NCAM2: variants seen among roughly 807,000 people sequenced by gnomAD.
NCAM2 encodes the protein neural cell adhesion molecule 2.
NCAM2 carries 30 observed loss-of-function variants against 98.1 expected under a neutral mutation model. The observed-to-expected ratio is 0.31, with a 90% CI of 0.23 to 0.41. The LOEUF (loss-of-function observed/expected upper bound fraction) is 0.41, where lower values mean the gene tolerates loss of function less well. Among genes scored for constraint, NCAM2 ranks in the 10% least tolerant of loss-of-function variants. NCAM2 has a pLI of 1.00. For synonymous variants in NCAM2, 368 were observed against 342.4 expected, an observed-to-expected ratio of 1.07 and a Z score of -0.83; for missense variants, 867 against 1,005.8, an observed-to-expected ratio of 0.86 and a Z score of 1.87.
rs1156588500 is a variant in NCAM2 at position 21,479,583 on chromosome 21, C to CAAAAAA, written c.2077+2132_2077+2137dup. ...TGGGAGACAGAGCGAGACTGCGTCT[C>CAAAAAA]AAAAAAAAAAAAAAAAAAAAAAAAA... On this transcript the variant is annotated intron_variant, in intron 15 of 17. Coordinates refer to ENST00000400546, the MANE Select transcript of NCAM2 (RefSeq NM_004540.5). Among the ~76,000 whole-genome samples, 95 of 30,956 alleles carry CAAAAAA rather than the reference C, an allele frequency of 3.1e-3. 9 individuals carry two copies. The highest frequency in any genetic ancestry group is 3.9e-3 in the Non-Finnish European group (58 of 14,876). 20.3% of individuals were successfully genotyped at this position (30,956 alleles called of 152,430 possible).
intron 16 of NCAM2, among the ~76,000 whole-genome samples, chr21:21,523,832 T>C (rs1178812891): frequency 1.3e-5 from 2 of 151,784 alleles, no homozygotes; most frequent in Non-Finnish European, 2.9e-5. Flanking sequence ...AAATGCTCAA[T>C]TGAAATCGCC....
intron 9 of NCAM2, among the ~76,000 whole-genome samples, chr21:21,401,066 C>T (rs984370025): frequency 6.6e-6 from 1 of 152,162 alleles, no homozygotes; most frequent in African/African-American, 2.4e-5. Flanking sequence ...ATCTTTTCTA[C>T]TTGACAGAGT....
chr21:21,380,953 C>T (rs2076141157), intron 9 of NCAM2, among the ~76,000 whole-genome samples: 1 of 152,132 alleles, frequency 6.6e-6, no homozygotes, highest in Non-Finnish European at 1.5e-5. Flanking sequence ...AGCTAATAAT[C>T]AAATATCTAC....
At chr21:21,117,488 T>A (rs976726310) in intron 1 of NCAM2, among the ~76,000 whole-genome samples, 1 of 152,156 alleles carries the variant, frequency 6.6e-6, no homozygotes, top group African/African-American at 2.4e-5. Context: ...CTTGTATTGA[T>A]CAACAGATGA....
intron 1 of NCAM2, among the ~76,000 whole-genome samples, chr21:21,219,071 G>A (rs1466920720): frequency 6.6e-6 from 1 of 152,198 alleles, no homozygotes; most frequent in Non-Finnish European, 1.5e-5. Flanking sequence ...CCCAACCCAT[G>A]GCCCACAGGC....
At chr21:21,201,495 C>G (rs1303893981) in intron 1 of NCAM2, among the ~76,000 whole-genome samples, 1 of 152,074 alleles carries the variant, frequency 6.6e-6, no homozygotes, top group African/African-American at 2.4e-5. Context: ...TTCTGACAAA[C>G]TAAAGGACAA....
At chr21:21,246,859 G>A (rs1160114789) in intron 1 of NCAM2, among the ~76,000 whole-genome samples, 1 of 152,046 alleles carries the variant, frequency 6.6e-6, no homozygotes, top group Non-Finnish European at 1.5e-5. Flanking sequence ...TGTATGGATG[G>A]GAAGACTAAG....
At chr21:21,069,057 A>T (rs1254942447) in intron 1 of NCAM2, among the ~76,000 whole-genome samples, 3 of 152,176 alleles carry the variant, frequency 2.0e-5, no homozygotes, top group Non-Finnish European at 2.9e-5. Context: ...AATGTACTCT[A>T]GCTAATTTGC....
chr21:21,082,858 C>A (rs1459475219), intron 1 of NCAM2, among the ~76,000 whole-genome samples: 1 of 152,098 alleles, frequency 6.6e-6, no homozygotes, highest in African/African-American at 2.4e-5. Context: ...GTTTCCTCTC[C>A]CTGAGGAGCT....
chr21:21,028,840 A>G (rs2064609370), intron 1 of NCAM2, among the ~76,000 whole-genome samples: 1 of 152,222 alleles, frequency 6.6e-6, no homozygotes, highest in Non-Finnish European at 1.5e-5. Flanking sequence ...GGGAAACAAA[A>G]CAAGTGTATT....
At chr21:21,341,688 G>A (rs2075041338) in intron 8 of NCAM2, among the ~76,000 whole-genome samples, 1 of 148,654 alleles carries the variant, frequency 6.7e-6, no homozygotes, top group African/African-American at 2.5e-5. Context: ...TCAGAGAGGA[G>A]GGTCTCAATT....
intron 14 of NCAM2, among the ~76,000 whole-genome samples, chr21:21,470,480 A>G (rs1285509772): frequency 6.6e-6 from 1 of 152,092 alleles, no homozygotes; most frequent in Non-Finnish European, 1.5e-5. Flanking sequence ...ACCTTTGCAC[A>G]TAGTTGCTAA....
In NCAM2 at chr21:21,537,858, A is replaced by G; in HGVS notation, c.2415A>G (p.Leu805=). 1.3e-6 allele frequency: 2 copies of G among 1,540,994 alleles called. No individual in the cohort carries two copies. Among genetic ancestry groups the G allele is most frequent in the South Asian group, 1.2e-5 (1 of 83,800 alleles). Residue 805 remains leucine (L), a synonymous_variant, in exon 18 of 18, where the codon TTA becomes TTG. Coordinates refer to ENST00000400546, the MANE Select transcript of NCAM2 (RefSeq NM_004540.5). ...TTTTATCTTCCAGAAAATTGCCTTTAAAGGAAGAAGATGGGAAAGAAGCTC... is the reference window on the plus strand; with the variant it reads ...TTTTATCTTCCAGAAAATTGCCTTTGAAGGAAGAAGATGGGAAAGAAGCTC... ...TPLTEPEKLP[L]KEEDGKEALN...
intron 1 of NCAM2, among the ~76,000 whole-genome samples, chr21:21,234,440 A>C (rs1295245862): frequency 6.6e-6 from 1 of 152,020 alleles, no homozygotes; most frequent in Non-Finnish European, 1.5e-5. Flanking sequence ...ATACACTTAC[A>C]TTTTAATTAA....
intron 12 of NCAM2, among the ~76,000 whole-genome samples, chr21:21,447,715 C>T (rs2146111713): frequency 6.6e-6 from 1 of 152,060 alleles, no homozygotes; most frequent in Middle Eastern, 3.4e-3. Flanking sequence ...ACAAACAACC[C>T]CATCAAAAAG....
intron 5 of NCAM2, among the ~76,000 whole-genome samples, chr21:21,311,034 A>G (rs2074033718): frequency 6.6e-6 from 1 of 152,188 alleles, no homozygotes; most frequent in African/African-American, 2.4e-5. Context: ...CATTTATCCA[A>G]CTGTTCTTTT....
intron 15 of NCAM2, among the ~76,000 whole-genome samples, chr21:21,490,930 C>A (rs996272939): frequency 1.1e-4 from 17 of 151,804 alleles, no homozygotes; most frequent in African/African-American, 3.9e-4. Flanking sequence ...ATTTTATTTT[C>A]TGTACCTCTG....
chr21:21,471,042 G>T (rs1984379984), intron 14 of NCAM2, among the ~76,000 whole-genome samples: 1 of 151,852 alleles, frequency 6.6e-6, no homozygotes, highest in South Asian at 2.1e-4. Context: ...GAGTGACTTG[G>T]TGGGGAGAGG....
chr21:21,508,591 A>T (rs901221947), intron 15 of NCAM2, among the ~76,000 whole-genome samples: 2 of 147,930 alleles, frequency 1.4e-5, no homozygotes, highest in African/African-American at 2.5e-5. Flanking sequence ...CTTTGTTAAT[A>T]AAAAAAAAAG....
Sources: allele counts gnomAD v4.1 joint callset (sites outside exome capture counted in the v4.1 genomes callset), GRCh38; gene constraint gnomAD v4.1.1; transcripts MANE v1.5; gene names NCBI Gene and HGNC (gene_info 2026-07-23, HGNC 2026-07-21).